The following SNTG2 variants were observed in gnomAD, a reference collection of about 807,000 sequenced individuals.
The protein encoded by SNTG2 is syntrophin gamma 2, also known as gamma-2-syntrophin.
A neutral mutation model predicts 70.9 loss-of-function variants in SNTG2; 74 were observed. That is an observed-to-expected ratio of 1.04 (90% confidence interval 0.86 to 1.27). The LOEUF (loss-of-function observed/expected upper bound fraction) is 1.27, where lower values mean the gene tolerates loss of function less well. Among genes scored for constraint, SNTG2 ranks in the 50% most tolerant of loss-of-function variants. The pLI, the probability that SNTG2 is intolerant of heterozygous loss-of-function variation, is 0.00. For synonymous variants in SNTG2, 278 were observed against 273.8 expected (o/e 1.02, Z -0.15); for missense variants, 717 against 690.7 (o/e 1.04, Z -0.43).
rs1675157894 is a variant in SNTG2 at position 1,222,079 on chromosome 2, GTCTCTGTCTCTCTCTGTCTCTCTCTGTC to G, written c.719+12855_719+12882del. On this transcript the variant is annotated intron_variant, in intron 9 of 16. Transcript: ENST00000308624. ...TCTGTCTCTGTTTCTCTCTGTCTCT[GTCTCTGTCTCTCTCTGTCTCTCTCTGTC>G]TCTCTCTGTCTCTCTCTGTCTCTCT... 2.7e-4 allele frequency among the ~76,000 whole-genome samples: 4 copies of G among 14,584 alleles called. 1 individual carries two copies. Among genetic ancestry groups the G allele is most frequent in the Admixed American group, 6.7e-4 (1 of 1,486 alleles). 9.6% of individuals were successfully genotyped at this position (14,584 alleles called of 152,430 possible).
intron 1 of SNTG2, among the ~76,000 whole-genome samples, chr2:1,055,976 G>A (rs1662366399): frequency 6.6e-6 from 1 of 152,070 alleles, no homozygotes; most frequent in South Asian, 2.1e-4. Context: ...ATCTGTCCTG[G>A]ACATGCGGTG....
intron 6 of SNTG2, among the ~76,000 whole-genome samples, chr2:1,153,801 G>A (rs4450637): frequency 0.072 from 10,893 of 152,266 alleles, 565 homozygotes; most frequent in South Asian, 0.18. Context: ...ATGGAAGACT[G>A]AATACATTTT....
intron 4 of SNTG2, among the ~76,000 whole-genome samples, chr2:1,110,279 C>A (rs897136559): frequency 1.3e-5 from 2 of 152,100 alleles, no homozygotes; most frequent in Non-Finnish European, 2.9e-5. Flanking sequence ...GACTTATGAG[C>A]TTTGTGTGAT....
chr2:1,243,967 A>G (rs112741998), intron 11 of SNTG2, among the ~76,000 whole-genome samples: 2 of 152,168 alleles, frequency 1.3e-5, no homozygotes, highest in African/African-American at 4.8e-5. Context: ...CGGAGGTTGC[A>G]GTGAGCCAAG....
intron 1 of SNTG2, among the ~76,000 whole-genome samples, chr2:984,836 A>T (rs576725242): frequency 6.6e-6 from 1 of 152,198 alleles, no homozygotes; most frequent in Non-Finnish European, 1.5e-5. Flanking sequence ...CTGAACCCAG[A>T]CCTTAGGTCT....
intron 15 of SNTG2, among the ~76,000 whole-genome samples, chr2:1,309,379 C>G (rs952606641): frequency 6.6e-6 from 1 of 152,258 alleles, no homozygotes; most frequent in African/African-American, 2.4e-5. Flanking sequence ...ACTGCGCCTT[C>G]TTTCTGAGAA....
intron 14 of SNTG2, among the ~76,000 whole-genome samples, chr2:1,298,771 A>G (rs1436861619): frequency 6.6e-6 from 1 of 152,142 alleles, no homozygotes; most frequent in African/African-American, 2.4e-5. Flanking sequence ...GCCAAAGGAG[A>G]TTCACTTTTG....
intron 1 of SNTG2, among the ~76,000 whole-genome samples, chr2:1,031,315 T>C (rs12478900): frequency 0.38 from 56,913 of 150,634 alleles, 11,089 homozygotes; most frequent in South Asian, 0.44. Flanking sequence ...TGGTGTTTTC[T>C]GTTCATGCTC....
At chr2:1,277,774 G>A (rs892375998) in intron 14 of SNTG2, among the ~76,000 whole-genome samples, 1 of 152,174 alleles carries the variant, frequency 6.6e-6, no homozygotes, top group Non-Finnish European at 1.5e-5. Context: ...ACCTGCAGGA[G>A]GTTTTTGTGC....
chr2:1,137,482 A>T, intron 4 of SNTG2, 140 bp from the exon 5 acceptor site: 1 of 812,388 alleles, frequency 1.2e-6, no homozygotes, highest in East Asian at 2.7e-5. Flanking sequence ...ACAAACACAC[A>T]TCTGCTCACG....
At chr2:1,289,540 T>G (rs571443462) in intron 14 of SNTG2, among the ~76,000 whole-genome samples, 4 of 152,338 alleles carry the variant, frequency 2.6e-5, no homozygotes, top group African/African-American at 7.2e-5. Context: ...CATCCGTGTT[T>G]GCTTTGCGTG....
intron 6 of SNTG2, among the ~76,000 whole-genome samples, chr2:1,151,778 C>T (rs1669514736): frequency 6.6e-6 from 1 of 152,186 alleles, no homozygotes; most frequent in Non-Finnish European, 1.5e-5. Flanking sequence ...CACAGCTGCT[C>T]ACACTCTGCA....
intron 1 of SNTG2, among the ~76,000 whole-genome samples, chr2:1,066,016 G>A (rs1663124959): frequency 6.6e-6 from 1 of 152,136 alleles, no homozygotes. Context: ...TATTAGTTTG[G>A]TGCAAAAGAA....
At chr2:1,186,165 AT>A (rs74164497) in intron 8 of SNTG2, among the ~76,000 whole-genome samples, 150,456 of 152,270 alleles carry the variant, frequency 0.99, 74,353 homozygotes, top group Middle Eastern at 1. Flanking sequence ...CCTCTTTGCT[AT>A]AAGTGTAACA....
At chr2:958,062 G>C (rs537012201) in intron 1 of SNTG2, among the ~76,000 whole-genome samples, 2 of 152,224 alleles carry the variant, frequency 1.3e-5, no homozygotes, top group Non-Finnish European at 2.9e-5. Flanking sequence ...GCTCTTTGGA[G>C]GGCTTCGTTC....
rs1659936496 is a variant in SNTG2 at position 951,023 on chromosome 2, G to C, written c.27G>C (p.Pro9=). Residue 9 remains proline, a synonymous_variant, in exon 1 of 17, where the codon CCG becomes CCC. Coordinates refer to ENST00000308624, the MANE Select transcript of SNTG2 (RefSeq NM_018968.4). Reference sequence around the variant, plus strand: ...TGGGCACCGAGGGACCCCCGCCCCCGGCCGCCTCCCGCGGACGCCAGGGCT... The same window carrying C: ...TGGGCACCGAGGGACCCCCGCCCCCCGCCGCCTCCCGCGGACGCCAGGGCT... The part of the protein sequence containing the change: MGTEGPPP[P]AASRGRQGCL... 2 of 1,260,436 alleles carry C rather than the reference G, an allele frequency of 1.6e-6. No individual in the cohort carries two copies. The highest frequency in any genetic ancestry group is 6.3e-5 in the East Asian group (2 of 31,928). The allele number at this position is 1,260,436 out of a possible 1,614,324, so 78.1% of individuals were successfully genotyped here.
chr2:1,227,557 C>T (rs1211935568), intron 9 of SNTG2, among the ~76,000 whole-genome samples: 1 of 152,230 alleles, frequency 6.6e-6, no homozygotes, highest in Non-Finnish European at 1.5e-5. Flanking sequence ...GAATCCGTTT[C>T]CCCACGGTAT....
At chr2:1,224,745 T>A (rs1675652472) in intron 9 of SNTG2, among the ~76,000 whole-genome samples, 1 of 152,204 alleles carries the variant, frequency 6.6e-6, no homozygotes, top group Non-Finnish European at 1.5e-5. Context: ...TTACCTGGAC[T>A]GGGTCCAGTC....
At chr2:1,338,291 C>T (rs1403276714) in intron 16 of SNTG2, among the ~76,000 whole-genome samples, 1 of 152,158 alleles carries the variant, frequency 6.6e-6, no homozygotes, top group Non-Finnish European at 1.5e-5. Context: ...AATATTAACA[C>T]CTTAATAACA....
Sources: allele counts gnomAD v4.1 joint callset (sites outside exome capture counted in the v4.1 genomes callset), GRCh38; gene constraint gnomAD v4.1.1; transcripts MANE v1.5; gene names NCBI Gene and HGNC (gene_info 2026-07-23, HGNC 2026-07-21).